The following ZNF718 variants were observed in gnomAD, a reference collection of about 807,000 sequenced individuals.
The protein encoded by ZNF718 is zinc finger protein 718.
ZNF718 carries 3 observed loss-of-function variants against 2.6 expected under a neutral mutation model. That is an observed-to-expected ratio of 1.16 (90% CI 0.53 to 3.01). ZNF718 has a LOEUF of 3.01. Among genes scored for constraint, ZNF718 ranks in the 30% most tolerant of loss-of-function variants. The probability of loss-of-function intolerance (pLI) is 0.03; values close to 1 mark genes in which losing one functional copy is unlikely to be tolerated. For synonymous variants in ZNF718, 135 were observed against 77.9 expected (o/e 1.73, Z -3.86); for missense variants, 468 against 230.0 (o/e 2.03, Z -6.69).
intron 3 of ZNF718, among the ~76,000 whole-genome samples, chr4:150,888 T>TTGTGTGTGTG (rs111894956): frequency 9.3e-5 from 14 of 150,234 alleles, no homozygotes; most frequent in African/African-American, 3.4e-4. Flanking sequence ...AATTTGAATT[T>TTGTGTGTGTG]TGTGTGTGTG....
chr4:143,269 G>T (rs1553810588), intron 3 of ZNF718, among the ~76,000 whole-genome samples: 1 of 152,192 alleles, frequency 6.6e-6, no homozygotes. Flanking sequence ...TTGGCTCACT[G>T]CAACCTCTGC....
At chr4:139,995 C>T (rs1188199970) in intron 3 of ZNF718, among the ~76,000 whole-genome samples, 1 of 152,016 alleles carries the variant, frequency 6.6e-6, no homozygotes, top group African/African-American at 2.4e-5. Context: ...TTTATAATTG[C>T]CCTGCCCAGA....
At chr4:125,934 C>G (rs962255501) in intron 1 of ZNF718, among the ~76,000 whole-genome samples, 10 of 152,210 alleles carry the variant, frequency 6.6e-5, no homozygotes, top group Non-Finnish European at 7.3e-5. Context: ...AGCAGGAGCC[C>G]GTTTCCTTCT....
intron 3 of ZNF718, among the ~76,000 whole-genome samples, chr4:178,141 A>T (rs868955889): frequency 4.9e-5 from 7 of 143,214 alleles, no homozygotes; most frequent in Admixed American, 1.4e-4. Context: ...TGATAATTTC[A>T]TTTTTTTTTT....
intron 3 of ZNF718, among the ~76,000 whole-genome samples, chr4:190,081 C>T (rs1553820934): frequency 6.6e-6 from 1 of 151,960 alleles, no homozygotes; most frequent in African/African-American, 2.4e-5. Context: ...ATTTGTGATC[C>T]TTTTGTCTGC....
At chr4:185,940 C>T (rs1225252891) in intron 3 of ZNF718, among the ~76,000 whole-genome samples, 1 of 152,022 alleles carries the variant, frequency 6.6e-6, no homozygotes, top group African/African-American at 2.4e-5. Flanking sequence ...GTTCTTTGTA[C>T]TTTATTCAGC....
intron 3 of ZNF718, among the ~76,000 whole-genome samples, chr4:170,630 T>C (rs1033558303): frequency 2.6e-5 from 4 of 152,212 alleles, no homozygotes; most frequent in African/African-American, 4.8e-5. Context: ...TTTCTTCCAG[T>C]TGATTGAATC....
At chr4:199,905 A>C (rs1365786581) in intron 3 of ZNF718, among the ~76,000 whole-genome samples, 1 of 152,218 alleles carries the variant, frequency 6.6e-6, no homozygotes, top group Non-Finnish European at 1.5e-5. Context: ...TTAAGCTCAG[A>C]GTGATCTTTA....
chr4:144,481 G>A (rs1267710892), intron 3 of ZNF718, among the ~76,000 whole-genome samples: 1 of 152,068 alleles, frequency 6.6e-6, no homozygotes, highest in Non-Finnish European at 1.5e-5. Flanking sequence ...AATGGCTTTG[G>A]CTATTTTGAG....
At chr4:188,805 G>C (rs1581483318) in intron 3 of ZNF718, among the ~76,000 whole-genome samples, 1 of 152,128 alleles carries the variant, frequency 6.6e-6, no homozygotes, top group African/African-American at 2.4e-5. Flanking sequence ...CTTGGCTGGG[G>C]CTGGGCGTTT....
rs73075720 is a variant in ZNF718, at chr4:197,196, A to G, written c.227-3885A>G. On this transcript the variant is annotated intron_variant and NMD_transcript_variant, in intron 3 of 4. Coordinates refer to the ZNF718 transcript ENST00000642529. ...GTTGACATGTCCTTTACTCAGAGGT[A>G]TCAGGACCTGGGAGCCTTTCACCCA... Among the ~76,000 whole-genome samples, 284 of 152,142 alleles carry G rather than the reference A, an allele frequency of 1.9e-3. 1 individual carries two copies. The highest frequency in any genetic ancestry group is 6.1e-3 in the African/African-American group (255 of 41,518).
intron 3 of ZNF718, among the ~76,000 whole-genome samples, chr4:184,705 A>G (rs1352035520): frequency 2.0e-5 from 3 of 152,022 alleles, no homozygotes; most frequent in Non-Finnish European, 4.4e-5. Flanking sequence ...TAATTGGCCT[A>G]TTTAGGGGTT....
intron 3 of ZNF718, among the ~76,000 whole-genome samples, chr4:151,733 A>G (rs1716331493): frequency 6.6e-6 from 1 of 152,040 alleles, no homozygotes; most frequent in South Asian, 2.1e-4. Flanking sequence ...ACCCACCTCA[A>G]CCAACCAATG....
At chr4:152,915 CATTTTT>C (rs1385783784) in intron 3 of ZNF718, among the ~76,000 whole-genome samples, 1 of 134,586 alleles carries the variant, frequency 7.4e-6, no homozygotes, top group East Asian at 2.3e-4. Context: ...CTATGCAAAA[CATTTTT>C]AGTTTTTTGT....
chr4:134,084 C>T (rs1002798325), intron 3 of ZNF718, among the ~76,000 whole-genome samples: 4 of 152,124 alleles, frequency 2.6e-5, no homozygotes, highest in Admixed American at 2.0e-4. Flanking sequence ...ACAACATTTC[C>T]GTATTTTCCA....
At chr4:154,626 G>A (rs187189859) in intron 3 of ZNF718, among the ~76,000 whole-genome samples, 7 of 152,292 alleles carry the variant, frequency 4.6e-5, no homozygotes, top group Admixed American at 4.6e-4. Context: ...ATGACTTAGG[G>A]TATCTGGTAG....
chr4:180,309 A>T (rs1270397923), intron 3 of ZNF718, among the ~76,000 whole-genome samples: 3 of 152,232 alleles, frequency 2.0e-5, no homozygotes, highest in Non-Finnish European at 4.4e-5. Flanking sequence ...AAAAAATAAG[A>T]ATAAAAGTGT....
chr4:175,850 G>A (rs1239396924), intron 3 of ZNF718, among the ~76,000 whole-genome samples: 3 of 123,834 alleles, frequency 2.4e-5, no homozygotes, highest in Middle Eastern at 4.1e-3. Flanking sequence ...TGGATTAACA[G>A]TCTTTTTTTT....
At chr4:197,875 G>A (rs1553822261) in intron 3 of ZNF718, among the ~76,000 whole-genome samples, 2 of 152,200 alleles carry the variant, frequency 1.3e-5, no homozygotes, top group Admixed American at 6.5e-5. Context: ...AGTGATGGAT[G>A]ACTAGATGAA....
Sources: gnomAD v4.1 joint callset for allele counts (sites outside exome capture counted in the v4.1 genomes callset) on GRCh38, gnomAD v4.1.1 for gene constraint, MANE v1.5 for transcripts, NCBI Gene and HGNC (gene_info 2026-07-23, HGNC 2026-07-21) for gene names.